The following EYA1 variants were observed in gnomAD, a reference collection of about 807,000 sequenced individuals.
EYA1 encodes protein phosphatase EYA1.
EYA1 carries 16 observed loss-of-function variants against 82.0 expected under a neutral mutation model. The observed-to-expected ratio is 0.20, with a 90% confidence interval of 0.13 to 0.30. EYA1 has a LOEUF of 0.30. EYA1 is among the 10% of genes least tolerant of loss of function. The pLI, the probability that EYA1 is intolerant of heterozygous loss-of-function variation, is 1.00. For missense variants in EYA1, 633 were observed against 730.7 expected, an observed-to-expected ratio of 0.87 and a Z score of 1.54; for synonymous variants, 261 against 264.4, an observed-to-expected ratio of 0.99 and a Z score of 0.12.
intron 3 of EYA1, among the ~76,000 whole-genome samples, chr8:71,343,574 C>T (rs1323573889): frequency 6.6e-6 from 1 of 152,154 alleles, no homozygotes; most frequent in Non-Finnish European, 1.5e-5. Context: ...CACTCTGTGC[C>T]ACCTTGGAAC....
intron 9 of EYA1, among the ~76,000 whole-genome samples, chr8:71,283,150 T>C (rs1818007125): frequency 6.6e-6 from 1 of 152,086 alleles, no homozygotes; most frequent in Non-Finnish European, 1.5e-5. Flanking sequence ...TCCCAGAGGC[T>C]CCAATGCCTT....
chr8:71,384,592 G>C (rs1022659103), intron 2 of EYA1, among the ~76,000 whole-genome samples: 2 of 152,214 alleles, frequency 1.3e-5, no homozygotes, highest in African/African-American at 4.8e-5. Flanking sequence ...ACTATGTTCT[G>C]CTTTCACCTT....
At chr8:71,389,738 T>C (rs1829166624) in intron 2 of EYA1, among the ~76,000 whole-genome samples, 1 of 152,208 alleles carries the variant, frequency 6.6e-6, no homozygotes, top group African/African-American at 2.4e-5. Context: ...TACAAGATCA[T>C]AACCTATTGG....
chr8:71,518,249 T>A (rs1813129743), intron 2 of EYA1, among the ~76,000 whole-genome samples: 1 of 152,010 alleles, frequency 6.6e-6, no homozygotes, highest in Admixed American at 6.6e-5. Flanking sequence ...TTACTTAGAG[T>A]CTTAGTTCTT....
intron 11 of EYA1, among the ~76,000 whole-genome samples, chr8:71,253,538 A>C (rs1210048524): frequency 6.6e-6 from 1 of 152,132 alleles, no homozygotes. Context: ...ATTGTATATA[A>C]ATCTCTAAAT....
At chr8:71,240,530 G>T (rs925036735) in intron 12 of EYA1, among the ~76,000 whole-genome samples, 1 of 152,094 alleles carries the variant, frequency 6.6e-6, no homozygotes, top group Non-Finnish European at 1.5e-5. Context: ...TCACAGACAC[G>T]AGAGGAGGGT....
At chr8:71,538,837 T>C (rs1168164677) in intron 1 of EYA1, among the ~76,000 whole-genome samples, 2 of 152,150 alleles carry the variant, frequency 1.3e-5, no homozygotes, top group Non-Finnish European at 2.9e-5. Flanking sequence ...GGCAGGTGCC[T>C]TGGTGTCAGA....
intron 1 of EYA1, among the ~76,000 whole-genome samples, chr8:71,540,128 A>AT (rs914932425): frequency 1.2e-4 from 8 of 65,324 alleles, no homozygotes; most frequent in Admixed American, 7.6e-4. Context: ...AGTACATAAA[A>AT]TAAAAAAAAA....
chr8:71,384,249 T>C (rs1478868919), intron 2 of EYA1, among the ~76,000 whole-genome samples: 2 of 152,244 alleles, frequency 1.3e-5, no homozygotes, highest in Non-Finnish European at 2.9e-5. Context: ...GTTTCCCATT[T>C]AAACATTTTT....
intron 12 of EYA1, among the ~76,000 whole-genome samples, chr8:71,236,954 C>CA (rs1208085974): frequency 1.3e-5 from 2 of 152,150 alleles, no homozygotes; most frequent in African/African-American, 4.8e-5. Flanking sequence ...TCCTTACCAG[C>CA]AATGTACACA....
chr8:71,483,470 C>G (rs1162044915), intron 2 of EYA1, among the ~76,000 whole-genome samples: 1 of 151,860 alleles, frequency 6.6e-6, no homozygotes, highest in African/African-American at 2.4e-5. Context: ...GAGAGAAAAA[C>G]ACACTTTAAA....
intron 2 of EYA1, among the ~76,000 whole-genome samples, chr8:71,406,415 G>C (rs201268569): frequency 6.6e-6 from 1 of 152,212 alleles, no homozygotes; most frequent in African/African-American, 2.4e-5. Flanking sequence ...AGCTCCCAGC[G>C]TGAGCGACGC....
intron 1 of EYA1, among the ~76,000 whole-genome samples, chr8:71,360,742 C>T (rs1352798479): frequency 1.3e-5 from 2 of 152,210 alleles, no homozygotes; most frequent in African/African-American, 4.8e-5. Flanking sequence ...AAAACAATCC[C>T]AAACCTATAA....
At chr8:71,391,731 C>G (rs1473014109) in intron 2 of EYA1, among the ~76,000 whole-genome samples, 1 of 152,180 alleles carries the variant, frequency 6.6e-6, no homozygotes, top group African/African-American at 2.4e-5. Context: ...TTGGGACTTA[C>G]CCAGGTGTGA....
chr8:71,362,151 C>CTTTGTTTT, upstream of EYA1: 1 of 452,934 alleles, frequency 2.2e-6, no homozygotes, highest in Non-Finnish European at 2.6e-6. Context: ...AGCCTCGGGG[C>CTTTGTTTT]TTTCTTTTTT....
At chr8:71,546,592 C>T (rs1815613340) in intron 1 of EYA1, among the ~76,000 whole-genome samples, 1 of 151,578 alleles carries the variant, frequency 6.6e-6, no homozygotes, top group South Asian at 2.1e-4. Context: ...CCTCCAACCT[C>T]CCTGGTTCAG....
chr8:71,487,453 TC>T (rs537649412), intron 2 of EYA1, among the ~76,000 whole-genome samples: 30 of 152,286 alleles, frequency 2.0e-4, no homozygotes, highest in Non-Finnish European at 2.9e-4. Flanking sequence ...CATCATATTT[TC>T]TACCTGTATC....
At chr8:71,420,511 A>T (rs1391265574) in intron 2 of EYA1, among the ~76,000 whole-genome samples, 1 of 152,208 alleles carries the variant, frequency 6.6e-6, no homozygotes, top group African/African-American at 2.4e-5. Flanking sequence ...ATGTACCACT[A>T]TGTCTACTTT....
chr8:71,429,580 T>C (rs4344110), intron 2 of EYA1, among the ~76,000 whole-genome samples: 18,009 of 152,056 alleles, frequency 0.12, 1,107 homozygotes, highest in South Asian at 0.17. Context: ...TTACCTAATA[T>C]GATGAATTGT....
Sources: allele counts gnomAD v4.1 joint callset (sites outside exome capture counted in the v4.1 genomes callset), GRCh38; gene constraint gnomAD v4.1.1; transcripts MANE v1.5; gene names NCBI Gene and HGNC (gene_info 2026-07-23, HGNC 2026-07-21).